Variants in PRRC1 observed in about 807,000 individuals in gnomAD.
PRRC1 encodes proline rich coiled-coil 1.
PRRC1 carries 39 observed loss-of-function variants against 40.7 expected under a neutral mutation model. The ratio of observed to expected loss-of-function variants is 0.96; its 90% CI spans 0.74 to 1.25. The LOEUF (loss-of-function observed/expected upper bound fraction) is 1.25, where lower values mean the gene tolerates loss of function less well. Among genes scored for constraint, PRRC1 ranks in the 50% most tolerant of loss-of-function variants. The probability of loss-of-function intolerance (pLI) is 0.00; values close to 1 mark genes in which losing one functional copy is unlikely to be tolerated. For synonymous variants in PRRC1, 175 were observed against 193.3 expected, an observed-to-expected ratio of 0.91 and a Z score of 0.79; for missense variants, 573 against 548.3, an observed-to-expected ratio of 1.05 and a Z score of -0.45.
chr5:127,523,343 C>T (rs1767513229), intron 1 of PRRC1, 117 bp from the exon 2 acceptor site: 3 of 501,914 alleles, frequency 6.0e-6, no homozygotes, highest in Admixed American at 3.7e-5. Context: ...GCATTATAAA[C>T]AGTAAAGGTG....
At chr5:127,519,702 C>T (rs991059761) in intron 1 of PRRC1, among the ~76,000 whole-genome samples, 1 of 152,132 alleles carries the variant, frequency 6.6e-6, no homozygotes, top group African/African-American at 2.4e-5. Context: ...TATTCTCTTA[C>T]GTAATCTCAT....
chr5:127,553,866 T>C lies in PRRC1; in HGVS notation c.*1950T>C, dbSNP rs1768456994. On this transcript the variant is annotated 3_prime_UTR_variant, in exon 9 of 9. Coordinates refer to ENST00000296666, the MANE Select transcript of PRRC1 (RefSeq NM_130809.5). Reference sequence around the variant, plus strand: ...GCTTGGTTGAAGCTAGAAATTTTCCTGCCCCTGGTGACCTGGTAAGCCTCC... The same window carrying C: ...GCTTGGTTGAAGCTAGAAATTTTCCCGCCCCTGGTGACCTGGTAAGCCTCC... The C allele has an allele frequency of 6.5e-7, 1 of 1,535,648 alleles. No homozygotes were observed. The highest frequency in any genetic ancestry group is 2.0e-5 in the Admixed American group (1 of 50,964).
chr5:127,544,655 G>C (rs1334637187), intron 7 of PRRC1, among the ~76,000 whole-genome samples: 1 of 152,234 alleles, frequency 6.6e-6, no homozygotes, highest in Non-Finnish European at 1.5e-5. Context: ...GCAATCAGCG[G>C]GACTCCGTGG....
chr5:127,538,240 A>G (rs1767949918), intron 6 of PRRC1, among the ~76,000 whole-genome samples: 1 of 151,960 alleles, frequency 6.6e-6, no homozygotes, highest in Middle Eastern at 3.2e-3. Flanking sequence ...TAGCCTTCTT[A>G]ATTTTCATTT....
At chr5:127,523,162 A>T (rs1042300099) in intron 1 of PRRC1, among the ~76,000 whole-genome samples, 4 of 152,202 alleles carry the variant, frequency 2.6e-5, no homozygotes, top group Non-Finnish European at 5.9e-5. Context: ...TCAAATTAGT[A>T]ATTTACTATT....
In PRRC1 at chr5:127,553,847, T is replaced by C. The variant is rs1331883574; in HGVS notation, c.*1931T>C. 1 of 1,535,682 alleles carries C rather than the reference T, an allele frequency of 6.5e-7. No homozygotes were observed. The highest frequency in any genetic ancestry group is 2.4e-5 in the East Asian group (1 of 40,916). On this transcript the variant is annotated 3_prime_UTR_variant, in exon 9 of 9. Coordinates refer to ENST00000296666, the MANE Select transcript of PRRC1 (RefSeq NM_130809.5). The stretch of plus-strand genomic sequence containing the variant: ...AGAGCAGTGGCAGTCCATGGCTTGG[T>C]TGAAGCTAGAAATTTTCCTGCCCCT...
chr5:127,539,869 A>G (rs1408533891), intron 7 of PRRC1, among the ~76,000 whole-genome samples: 2 of 152,128 alleles, frequency 1.3e-5, no homozygotes, highest in African/African-American at 4.8e-5. Flanking sequence ...GTTTTAAGTA[A>G]TTGTAAAAAG....
In PRRC1 at chr5:127,552,764, A is replaced by AT. The variant is rs1768426486; in HGVS notation, c.*852dup. The AT allele has an allele frequency of 1.0e-6, 1 of 984,814 alleles. No individual in the cohort carries two copies. Among genetic ancestry groups the AT allele is most frequent in the South Asian group, 4.7e-5 (1 of 21,276 alleles). 61.0% of individuals were successfully genotyped at this position (984,814 alleles called of 1,614,324 possible). A position where few individuals can be genotyped will look rare whatever the true frequency, so the allele number is the denominator to read the frequency against. On this transcript the variant is annotated 3_prime_UTR_variant, in exon 9 of 9. Coordinates refer to ENST00000296666, the MANE Select transcript of PRRC1 (RefSeq NM_130809.5). Reference sequence around the variant, plus strand: ...CTGCTTCCACTCATATTCTCTACACATTTTAATACAGAAATTTTTGAGAGG... The same window carrying AT: ...CTGCTTCCACTCATATTCTCTACACATTTTTAATACAGAAATTTTTGAGAGG...
chr5:127,522,646 C>T (rs2127089216), intron 1 of PRRC1, among the ~76,000 whole-genome samples: 1 of 151,712 alleles, frequency 6.6e-6, no homozygotes, highest in East Asian at 1.9e-4. Flanking sequence ...CCCACCTCTA[C>T]CTCCCAAAGT....
rs957582648 is a variant in PRRC1, at chr5:127,553,124, T to C, written c.*1208T>C. ...AGTTTCTTATATAAATGTAATTTAA[T>C]TTTTTTACTCTTCTATACAGTTCTT... On this transcript the variant is annotated 3_prime_UTR_variant, in exon 9 of 9. Coordinates refer to ENST00000296666, the MANE Select transcript of PRRC1 (RefSeq NM_130809.5). The C allele has an allele frequency of 7.4e-6, 7 of 940,758 alleles. No homozygotes were observed. In the African/African-American group the frequency reaches 1.1e-4, roughly 14 times the overall value. The allele number at this position is 940,758 out of a possible 1,614,324, so 58.3% of individuals were successfully genotyped here.
intron 5 of PRRC1, among the ~76,000 whole-genome samples, chr5:127,531,498 A>G (rs1022690895): frequency 1.3e-5 from 2 of 152,114 alleles, no homozygotes; most frequent in African/African-American, 4.8e-5. Context: ...AAAGGAATTA[A>G]TATTTTTGGA....
At chr5:127,522,601 A>G (rs1767489072) in intron 1 of PRRC1, among the ~76,000 whole-genome samples, 1 of 151,940 alleles carries the variant, frequency 6.6e-6, no homozygotes, top group Admixed American at 6.6e-5. Context: ...TATGGTGCCC[A>G]GGCTGGTCTC....
chr5:127,544,050 T>C (rs1465151890), intron 7 of PRRC1, among the ~76,000 whole-genome samples: 1 of 152,130 alleles, frequency 6.6e-6, no homozygotes, highest in African/African-American at 2.4e-5. Flanking sequence ...GATGGGTTTT[T>C]GGTGTGGATG....
At chr5:127,541,823 C>A (rs1025932921) in intron 7 of PRRC1, among the ~76,000 whole-genome samples, 1 of 151,964 alleles carries the variant, frequency 6.6e-6, no homozygotes, top group Non-Finnish European at 1.5e-5. Context: ...TTCAAAAAAA[C>A]CAGCTCCTGG....
chr5:127,537,506 AGCTT>A (rs1767929452), intron 6 of PRRC1, among the ~76,000 whole-genome samples: 1 of 151,952 alleles, frequency 6.6e-6, no homozygotes, highest in Non-Finnish European at 1.5e-5. Flanking sequence ...TTGTCTACCT[AGCTT>A]ATTATCCTGT....
At chr5:127,531,486 A>G (rs1162238606) in intron 5 of PRRC1, among the ~76,000 whole-genome samples, 2 of 152,338 alleles carry the variant, frequency 1.3e-5, no homozygotes, top group Middle Eastern at 3.4e-3. Flanking sequence ...AATGAAGGAA[A>G]AAAAGGAATT....
chr5:127,537,867 T>G (rs1261653213), intron 6 of PRRC1, among the ~76,000 whole-genome samples: 2 of 152,046 alleles, frequency 1.3e-5, no homozygotes, highest in Non-Finnish European at 2.9e-5. Context: ...CTGTTAATAC[T>G]GCTTTCAAAA....
chr5:127,529,585 G>A (rs914715966), intron 4 of PRRC1, among the ~76,000 whole-genome samples: 4 of 152,128 alleles, frequency 2.6e-5, no homozygotes, highest in African/African-American at 7.2e-5. Context: ...GGGAATCATG[G>A]CAGGTTAGTC....
chr5:127,535,338 C>T (rs897439480), intron 6 of PRRC1, among the ~76,000 whole-genome samples: 1 of 152,132 alleles, frequency 6.6e-6, no homozygotes, highest in African/African-American at 2.4e-5. Context: ...AGCACTCCAG[C>T]ACTACACTTG....
Sources: gnomAD v4.1 joint callset for allele counts (sites outside exome capture counted in the v4.1 genomes callset) on GRCh38, gnomAD v4.1.1 for gene constraint, MANE v1.5 for transcripts, NCBI Gene and HGNC (gene_info 2026-07-23, HGNC 2026-07-21) for gene names.